Variants in IL12RB2 observed in about 807,000 individuals in gnomAD.
IL12RB2 encodes interleukin-12 receptor subunit beta-2.
In IL12RB2, 82 loss-of-function variants were observed where a neutral mutation model predicts 89.4. The observed-to-expected ratio is 0.92, with a 90% CI of 0.77 to 1.10. IL12RB2 has a LOEUF of 1.10. Ranked by LOEUF, IL12RB2 falls within the 50% of genes least tolerant of loss-of-function variation. The probability of loss-of-function intolerance (pLI) is 0.00; values close to 1 mark genes in which losing one functional copy is unlikely to be tolerated. For missense variants in IL12RB2, 963 were observed against 1,031.9 expected (o/e 0.93, Z 0.92); for synonymous variants, 368 against 370.1 (o/e 0.99, Z 0.07).
chr1:67,328,288 G>A lies in IL12RB2; in HGVS notation c.568G>A (p.Glu190Lys), dbSNP rs1350740485. The change falls in exon 6 of 17, where the codon GAA becomes AAA. Residue 190 changes from glutamate to lysine, a missense_variant. Physicochemically the swap from Glu to Lys is moderately conservative, Grantham distance 56. Transcript: ENST00000674203. Reference protein sequence around the residue: ...YLDFGINLTPESPESNFTAKV... With the variant: ...YLDFGINLTPKSPESNFTAKV... ...GGACTTTGGAATCAACCTCACCCCT[G>A]AATCACCTGAATCCAATTTCACAGC... is the stretch of plus-strand genomic sequence containing the variant. 4 of 1,614,030 alleles carry A rather than the reference G, an allele frequency of 2.5e-6. No individual in the cohort carries two copies. The highest frequency in any genetic ancestry group is 1.6e-4 in the Middle Eastern group (1 of 6,084).
chr1:67,380,068 T>C lies in IL12RB2; in HGVS notation c.1800T>C (p.Ala600=). 6.2e-7 allele frequency: 1 copy of C among 1,614,116 alleles called. No homozygotes were observed. Residue 600 remains alanine (A), a synonymous_variant, in exon 14 of 17, where the codon GCT becomes GCC. Coordinates refer to ENST00000674203, the MANE Select transcript of IL12RB2 (RefSeq NM_001374259.2). ...TGACATATGTCCTGTGGATGACAGC[T>C]CTGACAGCTGCTGGTGAAAGTTCCC... ...PRVTYVLWMT[A]LTAAGESSHG...
chr1:67,310,838 C>T (rs1654953669), intron 1 of IL12RB2, among the ~76,000 whole-genome samples: 1 of 152,172 alleles, frequency 6.6e-6, no homozygotes, highest in African/African-American at 2.4e-5. Context: ...GATTCTCCTG[C>T]CTCAGCCTCC....
intron 2 of IL12RB2, among the ~76,000 whole-genome samples, chr1:67,317,300 C>T (rs1655901331): frequency 6.6e-6 from 1 of 152,154 alleles, no homozygotes; most frequent in Admixed American, 6.6e-5. Context: ...GACAGGGAGA[C>T]CTGCAGATTT....
At chr1:67,380,222 T>C (rs1427956191) in intron 14 of IL12RB2, 99 bp downstream of exon 14, 11 of 1,339,796 alleles carry the variant, frequency 8.2e-6, no homozygotes, top group Admixed American at 1.8e-5. Flanking sequence ...TTTTCTTTAA[T>C]TCACTAAAAA....
At chr1:67,309,205 A>G (rs999353087) in intron 1 of IL12RB2, among the ~76,000 whole-genome samples, 3 of 152,082 alleles carry the variant, frequency 2.0e-5, no homozygotes, top group African/African-American at 4.8e-5. Context: ...CCTACTATGT[A>G]TTTGGTTTTT....
chr1:67,327,108 C>T (rs1477931082), intron 5 of IL12RB2, among the ~76,000 whole-genome samples: 1 of 151,702 alleles, frequency 6.6e-6, no homozygotes, highest in African/African-American at 2.4e-5. Flanking sequence ...TTACAGGCAC[C>T]CACCACCACG....
At chr1:67,386,716 A>G in intron 15 of IL12RB2, 47 bp downstream of exon 15, 11 of 1,208,064 alleles carry the variant, frequency 9.1e-6, no homozygotes, top group Non-Finnish European at 1.4e-5. Flanking sequence ...CTTTTAAAAA[A>G]TGATAATAGC....
At chr1:67,317,430 T>A (rs1299572261) in intron 2 of IL12RB2, among the ~76,000 whole-genome samples, 1 of 152,176 alleles carries the variant, frequency 6.6e-6, no homozygotes, top group Non-Finnish European at 1.5e-5. Context: ...GGCTCGTGGC[T>A]CCTTCCACCA....
chr1:67,344,591 C>T (rs1457134222), intron 9 of IL12RB2, among the ~76,000 whole-genome samples: 1 of 152,206 alleles, frequency 6.6e-6, no homozygotes, highest in Non-Finnish European at 1.5e-5. Context: ...CGGCTCTCGG[C>T]CTAATAATAC....
At chr1:67,321,427 G>A (rs1018014749) in intron 3 of IL12RB2, among the ~76,000 whole-genome samples, 175 bp from the exon 4 acceptor site, 10 of 152,084 alleles carry the variant, frequency 6.6e-5, no homozygotes, top group Admixed American at 1.3e-4. Context: ...ACTTCAATAT[G>A]TTTACCTTCT....
chr1:67,355,397 A>G (rs997228260), intron 10 of IL12RB2, among the ~76,000 whole-genome samples: 1 of 149,938 alleles, frequency 6.7e-6, no homozygotes. Flanking sequence ...CCTGGGCAAC[A>G]GAGTGAGAGA....
chr1:67,351,498 C>T (rs953477193), intron 10 of IL12RB2, among the ~76,000 whole-genome samples: 14 of 152,116 alleles, frequency 9.2e-5, no homozygotes, highest in African/African-American at 2.7e-4. Context: ...AAAGTCAAAA[C>T]GTCTTTTTAA....
intron 10 of IL12RB2, among the ~76,000 whole-genome samples, chr1:67,353,155 C>G (rs1661031011): frequency 6.6e-6 from 1 of 152,178 alleles, no homozygotes; most frequent in African/African-American, 2.4e-5. Flanking sequence ...CCCTCAACTG[C>G]TTTAATCCTA....
At chr1:67,393,223 C>T (rs868174314) in intron 16 of IL12RB2, among the ~76,000 whole-genome samples, 1 of 152,162 alleles carries the variant, frequency 6.6e-6, no homozygotes, top group South Asian at 2.1e-4. Flanking sequence ...GATGTGGCTA[C>T]ACCACCATGT....
chr1:67,328,334 G>T lies in IL12RB2; in HGVS notation c.614G>T (p.Ser205Ile), dbSNP rs1657607347. The T allele has an allele frequency of 6.2e-7, 1 of 1,614,142 alleles. No homozygotes were observed. The highest frequency in any genetic ancestry group is 8.5e-7 in the Non-Finnish European group (1 of 1,180,026). ...ACAGCCAAGGTTACTGCTGTCAATA[G>T]TCTTGGAAGCTCCTCTTCACTTCCA... Reference protein sequence around the residue: ...NFTAKVTAVNSLGSSSSLPST... With the variant: ...NFTAKVTAVNILGSSSSLPST... The change falls in exon 6 of 17, where the codon AGT becomes ATT. Residue 205 changes from serine to isoleucine, a missense_variant. Transcript: ENST00000674203.
intron 10 of IL12RB2, among the ~76,000 whole-genome samples, chr1:67,362,076 GC>G (rs1662113663): frequency 6.8e-6 from 1 of 148,114 alleles, no homozygotes; most frequent in Non-Finnish European, 1.5e-5. Context: ...TTCAAGACCA[GC>G]CTGGCCAACA....
intron 10 of IL12RB2, among the ~76,000 whole-genome samples, chr1:67,364,924 A>G (rs1662512726): frequency 6.6e-6 from 1 of 152,234 alleles, no homozygotes; most frequent in Non-Finnish European, 1.5e-5. Flanking sequence ...AATACACCTT[A>G]ACAAATTTAA....
chr1:67,354,302 G>A (rs1352818099), intron 10 of IL12RB2, among the ~76,000 whole-genome samples: 1 of 152,128 alleles, frequency 6.6e-6, no homozygotes, highest in Non-Finnish European at 1.5e-5. Flanking sequence ...TGAGAGCTGA[G>A]CAGGCATAGG....
intron 4 of IL12RB2, among the ~76,000 whole-genome samples, chr1:67,322,101 C>T (rs568673695): frequency 1.8e-4 from 27 of 152,176 alleles, no homozygotes; most frequent in Middle Eastern, 3.4e-3. Flanking sequence ...CTCTCTCTCT[C>T]GCCATTAAAA....
Sources: gnomAD v4.1 joint callset for allele counts (sites outside exome capture counted in the v4.1 genomes callset) on GRCh38, gnomAD v4.1.1 for gene constraint, MANE v1.5 for transcripts, NCBI Gene and HGNC (gene_info 2026-07-23, HGNC 2026-07-21) for gene names.